The following NCAM2 variants were observed in gnomAD, a reference collection of about 807,000 sequenced individuals.
NCAM2 encodes the protein neural cell adhesion molecule 2.
NCAM2 carries 30 observed loss-of-function variants against 98.1 expected under a neutral mutation model. That is an observed-to-expected ratio of 0.31 (90% CI 0.23 to 0.41). NCAM2 has a LOEUF of 0.41. Ranked by LOEUF, NCAM2 falls within the 10% of genes least tolerant of loss-of-function variation. The pLI, the probability that NCAM2 is intolerant of heterozygous loss-of-function variation, is 1.00. For synonymous variants in NCAM2, 368 were observed against 342.4 expected, an observed-to-expected ratio of 1.07 and a Z score of -0.83; for missense variants, 867 against 1,005.8, an observed-to-expected ratio of 0.86 and a Z score of 1.87.
intron 14 of NCAM2, among the ~76,000 whole-genome samples, chr21:21,473,390 AT>A (rs1984723971): frequency 2.0e-5 from 3 of 146,658 alleles, no homozygotes; most frequent in African/African-American, 5.0e-5. Context: ...ATATATATAT[AT>A]ATTATATATA....
Position 21,071,460 on chromosome 21 carries a change from G to A in NCAM2, c.55+72842G>A, listed in dbSNP as rs117790364. ...GTGGAGAAAGCAAGTCCAGAGTGCA[G>A]AGCTCAAGCTAAAAAAAAAGCATTT... On this transcript the variant is annotated intron_variant, in intron 1 of 17. Coordinates refer to ENST00000400546, the MANE Select transcript of NCAM2 (RefSeq NM_004540.5). 9.8e-3 allele frequency among the ~76,000 whole-genome samples: 1,493 copies of A among 152,194 alleles called. 9 individuals carry two copies. Among genetic ancestry groups the A allele is most frequent in the Non-Finnish European group, 0.016 (1,067 of 68,010 alleles).
rs1990079938 is a variant in NCAM2, at chr21:21,538,058, T to G, written c.*101T>G. 1 of 603,248 alleles carries G rather than the reference T, an allele frequency of 1.7e-6. No individual in the cohort carries two copies. Among genetic ancestry groups the G allele is most frequent in the Non-Finnish European group, 2.8e-6 (1 of 359,778 alleles). The allele number at this position is 603,248 out of a possible 1,614,324, so 37.4% of individuals were successfully genotyped here. A position where few individuals can be genotyped will look rare whatever the true frequency, so the allele number is the denominator to read the frequency against. The stretch of plus-strand genomic sequence containing the variant: ...ATTGACCTTAATTTCTTGGGAAACT[T>G]CTAGCTTGGAATAGCTTGTACACAT... On this transcript the variant is annotated 3_prime_UTR_variant, in exon 18 of 18. Transcript: ENST00000400546.
chr21:21,404,001 A>T (rs968615301), intron 9 of NCAM2, among the ~76,000 whole-genome samples: 2 of 151,532 alleles, frequency 1.3e-5, no homozygotes, highest in African/African-American at 4.9e-5. Flanking sequence ...TAATACTGTT[A>T]AAATTTAATA....
intron 1 of NCAM2, among the ~76,000 whole-genome samples, chr21:21,038,403 A>G (rs1247741930): frequency 1.3e-5 from 2 of 152,178 alleles, no homozygotes; most frequent in Non-Finnish European, 2.9e-5. Flanking sequence ...CTGTGTCCCC[A>G]CATAAATCTC....
chr21:21,221,414 TC>T (rs2070149144), intron 1 of NCAM2, among the ~76,000 whole-genome samples: 1 of 151,996 alleles, frequency 6.6e-6, no homozygotes, highest in African/African-American at 2.4e-5. Flanking sequence ...CTGAAAGCTA[TC>T]CTCTCACTTC....
intron 1 of NCAM2, among the ~76,000 whole-genome samples, chr21:21,167,340 A>G (rs2067984787): frequency 6.6e-6 from 1 of 152,144 alleles, no homozygotes; most frequent in African/African-American, 2.4e-5. Flanking sequence ...GTTTACTTCT[A>G]TATAATGGTT....
At chr21:21,536,128 A>G (rs1367786536) in intron 17 of NCAM2, among the ~76,000 whole-genome samples, 1 of 152,124 alleles carries the variant, frequency 6.6e-6, no homozygotes, top group East Asian at 1.9e-4. Flanking sequence ...TGCACTATTT[A>G]TAACATATAT....
At chr21:21,344,970 C>A (rs569263659) in intron 8 of NCAM2, among the ~76,000 whole-genome samples, 1 of 152,200 alleles carries the variant, frequency 6.6e-6, no homozygotes, top group African/African-American at 2.4e-5. Flanking sequence ...GGGAAGAGAA[C>A]AAGAGTCTCT....
chr21:21,171,857 C>T lies in NCAM2; in HGVS notation c.56-108721C>T, dbSNP rs1176635723. 7.3e-5 allele frequency among the ~76,000 whole-genome samples: 11 copies of T among 151,438 alleles called. No homozygotes were observed. The East Asian group carries it at 1.2e-3, about 16-fold the overall frequency. On this transcript the variant is annotated intron_variant, in intron 1 of 17. Coordinates refer to ENST00000400546, the MANE Select transcript of NCAM2 (RefSeq NM_004540.5). The stretch of plus-strand genomic sequence containing the variant: ...ATTCAATCAACAGAATTTTTTTTTT[C>T]GCTTGGTAGGTTAAATGGAAGGAAT...
At chr21:21,274,568 A>G (rs1002504262) in intron 1 of NCAM2, among the ~76,000 whole-genome samples, 5 of 152,224 alleles carry the variant, frequency 3.3e-5, no homozygotes, top group Admixed American at 2.6e-4. Flanking sequence ...ATTATTTTGC[A>G]GCAGATAACA....
At chr21:21,084,346 CTG>C (rs775288421) in intron 1 of NCAM2, among the ~76,000 whole-genome samples, 1 of 152,130 alleles carries the variant, frequency 6.6e-6, no homozygotes, top group Non-Finnish European at 1.5e-5. Flanking sequence ...GTTTTATCAT[CTG>C]TTTAGATTCC....
chr21:21,523,999 A>C lies in NCAM2; in HGVS notation c.2283-10538A>C, dbSNP rs775923253. Among the ~76,000 whole-genome samples, 151 of 151,708 alleles carry C rather than the reference A, an allele frequency of 1.0e-3. No individual in the cohort carries two copies. The Middle Eastern group carries it at 0.01, about 10-fold the overall frequency. ...GCTCAATTGAAAGGTAGAGACTGTC[A>C]GAGTAAATAAAAAAAAACGAGACCC... On this transcript the variant is annotated intron_variant, in intron 16 of 17. Coordinates refer to ENST00000400546, the MANE Select transcript of NCAM2 (RefSeq NM_004540.5).
rs1000997440 is a variant in NCAM2 at position 21,131,563 on chromosome 21, A to G, written c.55+132945A>G. Among the ~76,000 whole-genome samples, 10 of 152,056 alleles carry G rather than the reference A, an allele frequency of 6.6e-5. No individual in the cohort carries two copies. In the East Asian group the frequency reaches 1.9e-3, roughly 29 times the overall value. ...GTTGGGATTACAGGCATGAGCCACC[A>G]CTCCTGGCTGGGGTATAATTTATAT... On this transcript the variant is annotated intron_variant, in intron 1 of 17. Transcript: ENST00000400546.
chr21:21,412,186 G>A (rs2076900017), intron 10 of NCAM2, among the ~76,000 whole-genome samples: 1 of 152,172 alleles, frequency 6.6e-6, no homozygotes, highest in African/African-American at 2.4e-5. Flanking sequence ...ACTCTTCCCT[G>A]GACTTGTACT....
chr21:21,007,897 A>C (rs1322733086), intron 1 of NCAM2, among the ~76,000 whole-genome samples: 2 of 152,146 alleles, frequency 1.3e-5, no homozygotes, highest in Non-Finnish European at 2.9e-5. Context: ...GATGCTATTC[A>C]AGATGGAGTT....
chr21:21,283,096 A>G (rs1362847613), intron 2 of NCAM2, among the ~76,000 whole-genome samples: 2 of 151,958 alleles, frequency 1.3e-5, no homozygotes, highest in Admixed American at 6.6e-5. Context: ...TGTAACAACT[A>G]TGGTTTTATG....
intron 10 of NCAM2, among the ~76,000 whole-genome samples, chr21:21,413,591 T>C (rs968103568): frequency 2.6e-5 from 4 of 152,220 alleles, no homozygotes; most frequent in Admixed American, 6.5e-5. Flanking sequence ...TTTTTGCTTT[T>C]TTCAGTGCAT....
At chr21:21,343,748 C>T (rs1395118080) in intron 8 of NCAM2, among the ~76,000 whole-genome samples, 3 of 152,182 alleles carry the variant, frequency 2.0e-5, no homozygotes, top group South Asian at 4.1e-4. Flanking sequence ...CAAACCTCAC[C>T]AGTGAGGACC....
chr21:21,284,980 A>G (rs1273443878), intron 3 of NCAM2, among the ~76,000 whole-genome samples: 2 of 151,762 alleles, frequency 1.3e-5, no homozygotes, highest in Non-Finnish European at 2.9e-5. Flanking sequence ...TTTAAGAACC[A>G]TTAACCTGTT....
Sources: allele counts gnomAD v4.1 joint callset (sites outside exome capture counted in the v4.1 genomes callset), GRCh38; gene constraint gnomAD v4.1.1; transcripts MANE v1.5; gene names NCBI Gene and HGNC (gene_info 2026-07-23, HGNC 2026-07-21).